The following PFKP variants were observed in gnomAD, a reference collection of about 807,000 sequenced individuals.
The protein encoded by PFKP is ATP-dependent 6-phosphofructokinase, platelet type.
Under a neutral mutation model 94.3 loss-of-function variants are expected in PFKP, and 101 were observed. The observed-to-expected ratio is 1.07, with a 90% CI of 0.91 to 1.26. PFKP has a LOEUF of 1.26. Ranked by LOEUF, PFKP falls within the 50% of genes most tolerant of loss-of-function variation. The pLI, the probability that PFKP is intolerant of heterozygous loss-of-function variation, is 0.00. For missense variants in PFKP, 1,145 were observed against 1,103.3 expected (o/e 1.04, Z -0.53); for synonymous variants, 573 against 432.6 (o/e 1.32, Z -4.03).
chr10:3,111,207 T>C (rs907967148), intron 10 of PFKP, among the ~76,000 whole-genome samples: 1 of 152,110 alleles, frequency 6.6e-6, no homozygotes, highest in African/African-American at 2.4e-5. Context: ...TGTGCCTGCA[T>C]GTTTGTGTGT....
chr10:3,131,144 ATATG>A (rs1178779086), intron 17 of PFKP, among the ~76,000 whole-genome samples: 5 of 152,242 alleles, frequency 3.3e-5, no homozygotes, highest in African/African-American at 1.2e-4. Context: ...TTATCAAAAA[ATATG>A]TATCTCTTAC....
At chr10:3,090,674 G>A (rs934794835) in intron 2 of PFKP, among the ~76,000 whole-genome samples, 8 of 151,954 alleles carry the variant, frequency 5.3e-5, no homozygotes, top group South Asian at 2.1e-4. Context: ...CTCAGGATGC[G>A]GAGCAGCACC....
At position 3,079,661 on chromosome 10, in the gene PFKP, GT is replaced by G. The variant is rs371856458; in HGVS notation, c.113-2726del. Among the ~76,000 whole-genome samples the G allele has an allele frequency of 1.9e-3, 120 of 62,026 alleles. 2 individuals carry two copies. Among genetic ancestry groups the G allele is most frequent in the South Asian group, 3.4e-3 (4 of 1,178 alleles). The allele number at this position is 62,026 out of a possible 152,430, so 40.7% of individuals were successfully genotyped here. ...GGGAACGAGGTCTTCAGAGAGCGGG[GT>G]GGGGGGGGGGGGAAGAGGAGCAGGG... On this transcript the variant is annotated intron_variant, in intron 1 of 21. Transcript: ENST00000381125.
At chr10:3,094,785 T>C (rs1834345210) in intron 2 of PFKP, among the ~76,000 whole-genome samples, 1 of 152,248 alleles carries the variant, frequency 6.6e-6, no homozygotes, top group South Asian at 2.1e-4. Context: ...CTCTGAATTC[T>C]AAAAGTGAAA....
At chr10:3,114,991 T>G (rs1356650453) in intron 13 of PFKP, among the ~76,000 whole-genome samples, 1 of 152,184 alleles carries the variant, frequency 6.6e-6, no homozygotes, top group Non-Finnish European at 1.5e-5. Flanking sequence ...GACTGGCTAC[T>G]GTGCAGATGG....
At chr10:3,116,481 G>A (rs1836837692) in intron 13 of PFKP, among the ~76,000 whole-genome samples, 1 of 152,104 alleles carries the variant, frequency 6.6e-6, no homozygotes, top group Non-Finnish European at 1.5e-5. Flanking sequence ...TCTTTTAGTT[G>A]CCGGTGGCGG....
rs1219772603 is a variant in PFKP at position 3,113,447 on chromosome 10, C to T, written c.1300C>T (p.Arg434Cys). The change falls in exon 13 of 22, where the codon CGC becomes TGC. Residue 434 changes from arginine to cysteine, a missense_variant. Arg to Cys is a radical substitution (Grantham distance 180). Transcript: ENST00000381125. ...GAACGCAGCCGTACGCTCAGCTGTGCGCGTGGGCATTGCCGACGGCCACAG... is the reference window on the plus strand; with the variant it reads ...GAACGCAGCCGTACGCTCAGCTGTGTGCGTGGGCATTGCCGACGGCCACAG... ...GMNAAVRSAV[R>C]VGIADGHRML... 23 of 1,612,108 alleles carry T rather than the reference C, an allele frequency of 1.4e-5. No individual in the cohort carries two copies. Among genetic ancestry groups the T allele is most frequent in the East Asian group, 2.2e-5 (1 of 44,872 alleles).
intron 2 of PFKP, among the ~76,000 whole-genome samples, chr10:3,087,069 T>C (rs1333138000): frequency 6.6e-6 from 1 of 151,952 alleles, no homozygotes; most frequent in Non-Finnish European, 1.5e-5. Context: ...ACCTCCCAGG[T>C]TCAAGCGATT....
intron 16 of PFKP, among the ~76,000 whole-genome samples, chr10:3,120,393 G>A (rs926164881): frequency 3.8e-5 from 5 of 132,026 alleles, no homozygotes; most frequent in Non-Finnish European, 8.5e-5. Flanking sequence ...GTGTGTGTGT[G>A]TGTGTGCTGA....
rs566754657 is a variant in PFKP at position 3,102,175 on chromosome 10, C to T, written c.454+621C>T. On this transcript the variant is annotated intron_variant, in intron 4 of 21. Coordinates refer to ENST00000381125, the MANE Select transcript of PFKP (RefSeq NM_002627.5). ...CTGAGGCAGGAGAATGGCGTGAACC[C>T]GGGAGGCGGAGCTTGCAGTGAGCCG... is the stretch of plus-strand genomic sequence containing the variant. 8.2e-3 allele frequency among the ~76,000 whole-genome samples: 1,095 copies of T among 133,744 alleles called. 12 individuals carry two copies. The highest frequency in any genetic ancestry group is 0.014 in the Non-Finnish European group (889 of 63,728). 87.7% of individuals were successfully genotyped at this position (133,744 alleles called of 152,430 possible). A position where few individuals can be genotyped will look rare whatever the true frequency, so the allele number is the denominator to read the frequency against.
chr10:3,095,444 A>C (rs1834406215), intron 2 of PFKP, among the ~76,000 whole-genome samples: 1 of 152,232 alleles, frequency 6.6e-6, no homozygotes, highest in African/African-American at 2.4e-5. Flanking sequence ...ATGTGATCGA[A>C]TGACTCAACG....
At chr10:3,107,889 TAGACGGGGCTGC>T (rs1242768303) in intron 8 of PFKP, 8 of 1,289,214 alleles carry the variant, frequency 6.2e-6, no homozygotes, top group Non-Finnish European at 8.1e-6. Context: ...GCCCCTGCTG[TAGACGGGGCTGC>T]AGGCTGCCGG....
At chr10:3,129,040 G>C (rs1391311181) in intron 16 of PFKP, 1 of 152,244 alleles carries the variant, frequency 6.6e-6, no homozygotes, top group East Asian at 1.9e-4. Flanking sequence ...TTATAGATGG[G>C]GTCCTTTCTG....
At chr10:3,088,303 T>C (rs11251709) in intron 2 of PFKP, among the ~76,000 whole-genome samples, 68,103 of 150,858 alleles carry the variant, frequency 0.45, 15,719 homozygotes, top group Middle Eastern at 0.63. Flanking sequence ...GCTTCATCCA[T>C]GTCCCTACAA....
rs765536760 is a variant in PFKP at position 3,112,211 on chromosome 10, T to G, written c.1090-11T>G. ...ACACATTCTTTCTTCTTTTCATCAT[T>G]GTTTTAAAAGACTCAGGATGTGCAG... On this transcript the variant is annotated splice_polypyrimidine_tract_variant and intron_variant, in intron 10 of 21. Coordinates refer to ENST00000381125, the MANE Select transcript of PFKP (RefSeq NM_002627.5). 4.3e-6 allele frequency: 7 copies of G among 1,609,374 alleles called. 1 individual carries two copies. The Admixed American group carries it at 5.0e-5, about 11-fold the overall frequency.
In PFKP at chr10:3,114,751, G is replaced by A. The variant is rs147810711; in HGVS notation, c.1371+1233G>A. Among the ~76,000 whole-genome samples the A allele has an allele frequency of 1.5e-3, 231 of 152,340 alleles. 2 individuals are homozygous for A. Among genetic ancestry groups the A allele is most frequent in the African/African-American group, 4.7e-3 (196 of 41,580 alleles). On this transcript the variant is annotated intron_variant, in intron 13 of 21. Transcript: ENST00000381125. ...TGGAGCTGATGCTCACAGGGGCGGG[G>A]GCTCCAAGCCCGCACAGGGCAGTGA...
At chr10:3,133,388 G>A (rs951212248) in intron 19 of PFKP, 74 bp downstream of exon 19, 23 of 945,976 alleles carry the variant, frequency 2.4e-5, no homozygotes, top group Non-Finnish European at 4.0e-5. Context: ...TCTTATTTTA[G>A]CCATTGTGGG....
intron 21 of PFKP, 72 bp downstream of exon 21, chr10:3,135,910 T>C (rs1056436744): frequency 3.4e-6 from 3 of 891,208 alleles, no homozygotes; most frequent in Non-Finnish European, 1.8e-6. Flanking sequence ...GCCATTGCTG[T>C]TGCTGTCGGC....
chr10:3,122,889 G>A (rs1479999442), intron 16 of PFKP, among the ~76,000 whole-genome samples: 1 of 152,232 alleles, frequency 6.6e-6, no homozygotes, highest in Non-Finnish European at 1.5e-5. Flanking sequence ...TGGGGCTGGA[G>A]ACAAGGGACG....
Sources: gnomAD v4.1 joint callset for allele counts (sites outside exome capture counted in the v4.1 genomes callset) on GRCh38, gnomAD v4.1.1 for gene constraint, MANE v1.5 for transcripts, NCBI Gene and HGNC (gene_info 2026-07-23, HGNC 2026-07-21) for gene names.